CNIH3: variants seen among roughly 807,000 people sequenced by gnomAD.
CNIH3 encodes the protein protein cornichon homolog 3.
CNIH3 carries 14 observed loss-of-function variants against 24.1 expected under a neutral mutation model. The ratio of observed to expected loss-of-function variants is 0.58; its 90% confidence interval spans 0.38 to 0.91. The LOEUF (loss-of-function observed/expected upper bound fraction) is 0.91. Ranked by LOEUF, CNIH3 falls within the 40% of genes least tolerant of loss-of-function variation. The pLI is 0.00. For missense variants in CNIH3, 178 were observed against 196.8 expected (o/e 0.90, Z 0.57); for synonymous variants, 68 against 73.8 (o/e 0.92, Z 0.40).
intron 3 of CNIH3, chr1:224,565,782 T>A (rs1680556995): frequency 6.6e-6 from 1 of 152,368 alleles, no homozygotes; most frequent in South Asian, 2.1e-4. Context: ...TATTGCCAAC[T>A]TGCTTCTGAC....
chr1:224,514,381 C>A (rs534090270), upstream of CNIH3, among the ~76,000 whole-genome samples: 14 of 152,116 alleles, frequency 9.2e-5, 1 homozygote, highest in South Asian at 4.2e-4. Context: ...ACACTCCAGC[C>A]CCCAGTTTTT....
rs551694372 is a variant in CNIH3, at chr1:224,617,189, C to G, written c.15C>G (p.Phe5Leu). 4 of 1,614,154 alleles carry G rather than the reference C, an allele frequency of 2.5e-6. No individual in the cohort carries two copies. Among genetic ancestry groups the G allele is most frequent in the South Asian group, 1.1e-5 (1 of 91,086 alleles). MAFTFAAFCYMLSLV... is the reference protein window; with the variant it reads MAFTLAAFCYMLSLV... ...GTCCGCCGGCCATGGCCTTCACTTT[C>G]GCTGCGTTCTGCTACATGCTGTCTC... Residue 5 changes from phenylalanine to leucine, a missense_variant, in exon 1 of 6, where the codon TTC (phenylalanine) becomes TTG (leucine). Transcript: ENST00000272133.
chr1:224,590,817 G>A (rs555188467), downstream of CNIH3, among the ~76,000 whole-genome samples: 127 of 57,210 alleles, frequency 2.2e-3, no homozygotes, highest in South Asian at 4.7e-3. Flanking sequence ...CCCCGCCCCC[G>A]CAACCCACCC....
chr1:224,441,633 A>G (rs1674919671), intron 1 of CNIH3, among the ~76,000 whole-genome samples: 1 of 152,272 alleles, frequency 6.6e-6, no homozygotes, highest in South Asian at 2.1e-4. Flanking sequence ...TCTAATTATC[A>G]TAAGAAAATG....
chr1:224,714,221 G>T (rs908320555), intron 3 of CNIH3, among the ~76,000 whole-genome samples: 1 of 152,204 alleles, frequency 6.6e-6, no homozygotes, highest in African/African-American at 2.4e-5. Flanking sequence ...GCCTTTAGTT[G>T]GAAGGTCCCA....
chr1:224,711,482 A>G (rs957709968), intron 3 of CNIH3, among the ~76,000 whole-genome samples: 1 of 151,956 alleles, frequency 6.6e-6, no homozygotes, highest in Non-Finnish European at 1.5e-5. Context: ...CACCGTGCCT[A>G]GCTCTAACCA....
chr1:224,677,430 T>C (rs1459460245), intron 1 of CNIH3, among the ~76,000 whole-genome samples: 3 of 152,116 alleles, frequency 2.0e-5, no homozygotes, highest in Non-Finnish European at 4.4e-5. Context: ...TGGCTGAATG[T>C]TAGGTGAATG....
chr1:224,540,765 A>G (rs1351928261), downstream of CNIH3, among the ~76,000 whole-genome samples: 2 of 152,040 alleles, frequency 1.3e-5, no homozygotes, highest in African/African-American at 4.8e-5. Context: ...AAAGGAAGTC[A>G]CATGCATTAA....
At chr1:224,680,146 A>G (rs1000373613) in intron 1 of CNIH3, among the ~76,000 whole-genome samples, 2 of 152,148 alleles carry the variant, frequency 1.3e-5, no homozygotes, top group African/African-American at 4.8e-5. Context: ...CAAGGCTTCC[A>G]CACCCTAAGA....
chr1:224,610,557 C>G (rs1558208772), intron 3 of CNIH3, among the ~76,000 whole-genome samples: 1 of 152,162 alleles, frequency 6.6e-6, no homozygotes, highest in African/African-American at 2.4e-5. Flanking sequence ...GCCTCCCCAG[C>G]CATGCTGAAC....
chr1:224,732,724 G>A (rs550174875), intron 4 of CNIH3, among the ~76,000 whole-genome samples: 34 of 152,156 alleles, frequency 2.2e-4, no homozygotes, highest in Non-Finnish European at 3.4e-4. Flanking sequence ...TGTGATTAAT[G>A]GACAAAACAT....
chr1:224,439,517 A>G (rs1293248730), intron 1 of CNIH3, among the ~76,000 whole-genome samples: 1 of 151,998 alleles, frequency 6.6e-6, no homozygotes, highest in East Asian at 1.9e-4. Context: ...TTGTACTTGC[A>G]GCACTTTTGC....
chr1:224,575,869 G>A (rs1395968346), intron 4 of CNIH3, among the ~76,000 whole-genome samples: 1 of 152,118 alleles, frequency 6.6e-6, no homozygotes, highest in Non-Finnish European at 1.5e-5. Context: ...GGGCAACTTT[G>A]AGTAGTGTAT....
At chr1:224,723,350 C>T (rs1180571492) in intron 3 of CNIH3, among the ~76,000 whole-genome samples, 1 of 152,206 alleles carries the variant, frequency 6.6e-6, no homozygotes, top group Non-Finnish European at 1.5e-5. Context: ...TGTGCCTTTT[C>T]CTCCCTGTGC....
At chr1:224,698,478 A>G (rs553146567) in intron 3 of CNIH3, among the ~76,000 whole-genome samples, 1 of 152,320 alleles carries the variant, frequency 6.6e-6, no homozygotes, top group East Asian at 1.9e-4. Context: ...GGTGGGAACC[A>G]AATAAAGGAA....
chr1:224,471,895 T>C (rs966515253), intron 1 of CNIH3, among the ~76,000 whole-genome samples: 8 of 152,184 alleles, frequency 5.3e-5, no homozygotes, highest in African/African-American at 1.2e-4. Context: ...CGGCCTCTCA[T>C]TCTTTTTTTT....
At chr1:224,553,458 A>G (rs770966764) in intron 3 of CNIH3, among the ~76,000 whole-genome samples, 3 of 151,916 alleles carry the variant, frequency 2.0e-5, no homozygotes, top group East Asian at 1.9e-4. Context: ...TCACAACCCA[A>G]TCTCACTGGG....
intron 3 of CNIH3, among the ~76,000 whole-genome samples, chr1:224,691,653 T>C (rs1013508210): frequency 1.4e-4 from 21 of 152,214 alleles, no homozygotes; most frequent in Non-Finnish European, 1.0e-4. Flanking sequence ...CACTGTATTT[T>C]GGAATGGTTT....
At chr1:224,477,451 A>C (rs892689248) in intron 1 of CNIH3, among the ~76,000 whole-genome samples, 1 of 152,234 alleles carries the variant, frequency 6.6e-6, no homozygotes, top group African/African-American at 2.4e-5. Context: ...GGAGTAACTG[A>C]AATGCCCACA....
Sources: gnomAD v4.1 joint callset for allele counts (sites outside exome capture counted in the v4.1 genomes callset) on GRCh38, gnomAD v4.1.1 for gene constraint, MANE v1.5 for transcripts, NCBI Gene and HGNC (gene_info 2026-07-23, HGNC 2026-07-21) for gene names.